The following QSOX1 variants were observed in gnomAD, a reference collection of about 807,000 sequenced individuals.
QSOX1 encodes sulfhydryl oxidase 1.
QSOX1 carries 40 observed loss-of-function variants against 76.1 expected under a neutral mutation model. That is an observed-to-expected ratio of 0.53 (90% CI 0.41 to 0.68). The LOEUF (loss-of-function observed/expected upper bound fraction) is 0.68. Ranked by LOEUF, QSOX1 falls within the 30% of genes least tolerant of loss-of-function variation. The probability of loss-of-function intolerance (pLI) is 0.00; values close to 1 mark genes in which losing one functional copy is unlikely to be tolerated. For synonymous variants in QSOX1, 392 were observed against 413.1 expected (o/e 0.95, Z 0.62); for missense variants, 931 against 974.3 (o/e 0.96, Z 0.59).
chr1:180,196,309 C>T lies in QSOX1; in HGVS notation c.1516C>T (p.Arg506Cys), dbSNP rs890851198. Residue 506 changes from arginine (R) to cysteine (C), a missense_variant, in exon 12 of 12, where the codon CGT (arginine) becomes TGT (cysteine). Transcript: ENST00000367602. This position sits in a 1 kb window ranked among gnomAD's most constrained non-coding sequence, Gnocchi z 4.1. ...PQFPKVQWPPRELCSACHNER... is the reference protein window; with the variant it reads ...PQFPKVQWPPCELCSACHNER... The stretch of plus-strand genomic sequence containing the variant: ...GTTCCCCAAGGTGCAGTGGCCACCC[C>T]GTGAACTTTGTTCTGCCTGCCACAA... 9.9e-6 allele frequency: 16 copies of T among 1,613,954 alleles called. No homozygotes were observed. Among genetic ancestry groups the T allele is most frequent in the East Asian group, 4.5e-5 (2 of 44,890 alleles).
intron 8 of QSOX1, among the ~76,000 whole-genome samples, chr1:180,189,003 GT>G (rs1378559216): frequency 6.6e-6 from 1 of 152,250 alleles, no homozygotes; most frequent in African/African-American, 2.4e-5. Flanking sequence ...ACCACTGGGA[GT>G]TACCATCAAG....
intron 1 of QSOX1, among the ~76,000 whole-genome samples, chr1:180,160,697 T>G (rs1662473723): frequency 6.6e-6 from 1 of 152,204 alleles, no homozygotes; most frequent in Non-Finnish European, 1.5e-5. Flanking sequence ...TTCAGAAGTT[T>G]TGGGAAAGCA....
intron 1 of QSOX1, among the ~76,000 whole-genome samples, chr1:180,165,734 G>A (rs899625336): frequency 6.6e-6 from 1 of 152,256 alleles, no homozygotes; most frequent in African/African-American, 2.4e-5. Context: ...GATGCTCACG[G>A]GGCACCTGAC....
chr1:180,176,485 G>A (rs947508956), intron 4 of QSOX1, among the ~76,000 whole-genome samples: 7 of 152,216 alleles, frequency 4.6e-5, no homozygotes, highest in African/African-American at 7.2e-5. Flanking sequence ...TTGGGGGGAG[G>A]TGGAGAGAAG....
In QSOX1 at chr1:180,196,166, C is replaced by A; in HGVS notation, c.1469-96C>A. 6.9e-7 allele frequency: 1 copy of A among 1,451,412 alleles called. No homozygotes were observed. Among genetic ancestry groups the A allele is most frequent in the Admixed American group, 2.2e-5 (1 of 44,964 alleles). 89.9% of individuals were successfully genotyped at this position (1,451,412 alleles called of 1,614,324 possible). On this transcript the variant is annotated intron_variant, in intron 11 of 11. Coordinates refer to ENST00000367602, the MANE Select transcript of QSOX1 (RefSeq NM_002826.5). This position sits in a 1 kb window ranked among gnomAD's most constrained non-coding sequence, Gnocchi z 4.1. ...GAAGGGCAGTGGCGAGCCCTTTCTG[C>A]AGACAAGGAAGCTGGCGTTCTGAGT...
intron 4 of QSOX1, among the ~76,000 whole-genome samples, chr1:180,176,907 G>C (rs1040286514): frequency 1.1e-4 from 17 of 152,176 alleles, no homozygotes; most frequent in African/African-American, 3.6e-4. Flanking sequence ...CAGAGACATG[G>C]CCCTGCTGAG....
At chr1:180,167,431 C>T (rs1161977542) in intron 2 of QSOX1, among the ~76,000 whole-genome samples, 1 of 152,300 alleles carries the variant, frequency 6.6e-6, no homozygotes, top group South Asian at 2.1e-4. Context: ...AAATGCCAAG[C>T]ATTGTCCCTG....
At chr1:180,166,645 T>TA in intron 2 of QSOX1, 54 bp downstream of exon 2, 8 of 1,505,580 alleles carry the variant, frequency 5.3e-6, no homozygotes, top group Non-Finnish European at 7.4e-6. Flanking sequence ...TTTCCCTTTA[T>TA]AAGGGAAAGG....
At position 180,155,007 on chromosome 1, in the gene QSOX1, G is replaced by A; in HGVS notation, c.100G>A (p.Ala34Thr). ...CGGCGCTAACGCGGCCCCGCGGTCG[G>A]CGCTCTATTCGCCTTCCGACCCGCT... ...VPGANAAPRS[A>T]LYSPSDPLTL... The change falls in exon 1 of 12, where the codon GCG (alanine) becomes ACG (threonine). Residue 34 changes from alanine (A) to threonine (T), a missense_variant. Coordinates refer to ENST00000367602, the MANE Select transcript of QSOX1 (RefSeq NM_002826.5). 6.6e-7 allele frequency: 1 copy of A among 1,511,496 alleles called. No individual in the cohort carries two copies. Among genetic ancestry groups the A allele is most frequent in the Non-Finnish European group, 8.8e-7 (1 of 1,137,376 alleles). The allele number at this position is 1,511,496 out of a possible 1,614,324, so 93.6% of individuals were successfully genotyped here.
intron 11 of QSOX1, among the ~76,000 whole-genome samples, chr1:180,195,539 G>A (rs1357093545): frequency 6.6e-6 from 1 of 152,196 alleles, no homozygotes; most frequent in Non-Finnish European, 1.5e-5. Flanking sequence ...GCAACACTGC[G>A]TGAGGGGCTG....
chr1:180,187,002 C>T (rs556903794), intron 8 of QSOX1, among the ~76,000 whole-genome samples: 2 of 152,320 alleles, frequency 1.3e-5, no homozygotes, highest in Admixed American at 6.5e-5. Context: ...TGGCTCTGGG[C>T]GCTTCGGGTT....
In QSOX1 at chr1:180,202,794, T is replaced by G. The variant is rs951037660; in HGVS notation, c.*5757T>G. 2 of 151,416 alleles carry G rather than the reference T, an allele frequency of 1.3e-5. No homozygotes were observed. Among genetic ancestry groups the G allele is most frequent in the Non-Finnish European group, 2.9e-5 (2 of 67,926 alleles). The allele number at this position is 151,416 out of a possible 1,614,324, so 9.4% of individuals were successfully genotyped here. The stretch of plus-strand genomic sequence containing the variant: ...TCTACTTGACGTCACTTTTAAGAAA[T>G]AAGGCCAGGCACGGTGGCTCACGCT... On this transcript the variant is annotated 3_prime_UTR_variant, in exon 12 of 12. Coordinates refer to ENST00000367602, the MANE Select transcript of QSOX1 (RefSeq NM_002826.5).
chr1:180,202,904 C>A lies in QSOX1; in HGVS notation c.*5867C>A, dbSNP rs1663663136. ...CCAGCTTGGCCAACATGGTGAAACCCCCATCTCTACTAAAATATTACACAG... is the reference window on the plus strand; with the variant it reads ...CCAGCTTGGCCAACATGGTGAAACCACCATCTCTACTAAAATATTACACAG... On this transcript the variant is annotated 3_prime_UTR_variant, in exon 12 of 12. Transcript: ENST00000367602. The A allele has an allele frequency of 6.6e-6, 1 of 151,814 alleles. No homozygotes were observed. 9.4% of individuals were successfully genotyped at this position (151,814 alleles called of 1,614,324 possible). A position where few individuals can be genotyped will look rare whatever the true frequency, so the allele number is the denominator to read the frequency against.
In QSOX1 at chr1:180,197,012, G is replaced by A. The variant is rs1424415803; in HGVS notation, c.2219G>A (p.Gly740Asp). The A allele has an allele frequency of 1.2e-6, 2 of 1,611,134 alleles. No homozygotes were observed. Among genetic ancestry groups the A allele is most frequent in the Non-Finnish European group, 1.7e-6 (2 of 1,178,664 alleles). The change falls in exon 12 of 12, where the codon GGC becomes GAC. Residue 740 changes from glycine (G) to aspartate (D), a missense_variant. Physicochemically the swap from Gly to Asp is moderately conservative, Grantham distance 94 (BLOSUM62 -1). Transcript: ENST00000367602. ...CAGGCCAAGATAAGGGCCCTGAAGG[G>A]CCATGCTGGCCACCCTGCAGCCTGA... Reference protein sequence around the residue: ...YFQAKIRALKGHAGHPAA With the variant: ...YFQAKIRALKDHAGHPAA
chr1:180,192,730 A>T (rs570157510), intron 10 of QSOX1, among the ~76,000 whole-genome samples: 1 of 152,132 alleles, frequency 6.6e-6, no homozygotes, highest in Non-Finnish European at 1.5e-5. Context: ...AGACCTCCCA[A>T]TGGAGGTGTG....
rs111738446 is a variant in QSOX1 at position 180,196,252 on chromosome 1, C to T, written c.1469-10C>T. On this transcript the variant is annotated splice_polypyrimidine_tract_variant and intron_variant, in intron 11 of 11. Coordinates refer to ENST00000367602, the MANE Select transcript of QSOX1 (RefSeq NM_002826.5). This position sits in a 1 kb window ranked among gnomAD's most constrained non-coding sequence, Gnocchi z 4.1. Reference sequence around the variant, plus strand: ...TGTCACCACCAGCCTGTGTATGCTTCCCTCTGTAGGTGCCCCCAGCGAGGA... The same window carrying T: ...TGTCACCACCAGCCTGTGTATGCTTTCCTCTGTAGGTGCCCCCAGCGAGGA... The T allele has an allele frequency of 1.0e-3, 1,637 of 1,602,330 alleles. 17 individuals are homozygous for T. In the African/African-American group the frequency reaches 0.02, roughly 19 times the overall value.
chr1:180,179,541 G>C (rs373671748), intron 5 of QSOX1, among the ~76,000 whole-genome samples: 27 of 152,248 alleles, frequency 1.8e-4, no homozygotes, highest in African/African-American at 6.0e-4. Flanking sequence ...ACACATAGTA[G>C]GTGCTTTATA....
intron 8 of QSOX1, among the ~76,000 whole-genome samples, chr1:180,188,859 C>T (rs961138290): frequency 6.6e-6 from 1 of 152,248 alleles, no homozygotes; most frequent in African/African-American, 2.4e-5. Context: ...TTGTGCTGTG[C>T]ACGTGCACAC....
At position 180,190,593 on chromosome 1, in the gene QSOX1, C is replaced by A; in HGVS notation, c.1288+13C>A. ...TCACAGGAAGCAGGTACGTCCAGGA[C>A]CCGTTCACCCCACTGTGCCTCCAAC... is the stretch of plus-strand genomic sequence containing the variant. On this transcript the variant is annotated intron_variant, in intron 10 of 11. Transcript: ENST00000367602. 1 of 1,607,008 alleles carries A rather than the reference C, an allele frequency of 6.2e-7. No individual in the cohort carries two copies. Among genetic ancestry groups the A allele is most frequent in the Admixed American group, 1.7e-5 (1 of 59,838 alleles).
Sources: allele counts gnomAD v4.1 joint callset (sites outside exome capture counted in the v4.1 genomes callset), GRCh38; gene constraint gnomAD v4.1.1; non-coding constraint Gnocchi (gnomAD v3.1); transcripts MANE v1.5; gene names NCBI Gene and HGNC (gene_info 2026-07-23, HGNC 2026-07-21).